XIRP2: variants seen among roughly 807,000 people sequenced by gnomAD.
The protein encoded by XIRP2 is xin actin-binding repeat-containing protein 2.
A neutral mutation model predicts 277.0 loss-of-function variants in XIRP2; 236 were observed. The observed-to-expected ratio is 0.85, with a 90% CI of 0.77 to 0.95. XIRP2 has a LOEUF of 0.95. XIRP2 is among the 40% of genes least tolerant of loss of function. XIRP2 has a pLI of 0.00. For missense variants in XIRP2, 4,640 were observed against 4,157.5 expected, an observed-to-expected ratio of 1.12 and a Z score of -3.19; for synonymous variants, 1,490 against 1,416.5, an observed-to-expected ratio of 1.05 and a Z score of -1.17.
At chr2:167,156,888 T>C (rs1692218743) in intron 3 of XIRP2, among the ~76,000 whole-genome samples, 1 of 152,142 alleles carries the variant, frequency 6.6e-6, no homozygotes, top group East Asian at 1.9e-4. Flanking sequence ...AAATAGACAC[T>C]TCTCAGTCAA....
At chr2:166,934,213 A>C (rs934293584) in intron 2 of XIRP2, among the ~76,000 whole-genome samples, 9 of 150,606 alleles carry the variant, frequency 6.0e-5, no homozygotes, top group Non-Finnish European at 1.0e-4. Flanking sequence ...AAAAAAAAAA[A>C]ACAAAACTAG....
intron 2 of XIRP2, among the ~76,000 whole-genome samples, chr2:167,013,903 CT>C (rs1687751044): frequency 6.6e-6 from 1 of 151,060 alleles, no homozygotes; most frequent in Non-Finnish European, 1.5e-5. Flanking sequence ...CTACAACACT[CT>C]GATATATCAG....
chr2:167,017,373 A>G (rs1687853452), intron 2 of XIRP2, among the ~76,000 whole-genome samples: 1 of 152,028 alleles, frequency 6.6e-6, no homozygotes, highest in African/African-American at 2.4e-5. Flanking sequence ...CAAGTAGATC[A>G]CATGGGTTCA....
intron 2 of XIRP2, among the ~76,000 whole-genome samples, chr2:167,125,386 A>C (rs1558988906): frequency 6.6e-6 from 1 of 152,190 alleles, no homozygotes; most frequent in African/African-American, 2.4e-5. Flanking sequence ...TGGAATTGAT[A>C]AATAAATTAC....
At chr2:167,016,184 T>C (rs1448359200) in intron 2 of XIRP2, among the ~76,000 whole-genome samples, 1 of 151,844 alleles carries the variant, frequency 6.6e-6, no homozygotes, top group Non-Finnish European at 1.5e-5. Flanking sequence ...CTTCCCCTCC[T>C]TTTTCTCCTT....
At position 167,250,038 on chromosome 2, in the gene XIRP2, A is replaced by C; in HGVS notation, c.8646A>C (p.Glu2882Asp). ...TQIQTAESKA[E>D]HKKLPQPYNS... ...TACAGACCGCTGAAAGTAAAGCTGAACATAAAAAATTGCCCCAGCCATATA... is the reference window on the plus strand; with the variant it reads ...TACAGACCGCTGAAAGTAAAGCTGACCATAAAAAATTGCCCCAGCCATATA... The change falls in exon 9 of 11, where the codon GAA becomes GAC. Residue 2882 changes from glutamate to aspartate, a missense_variant. Coordinates refer to ENST00000409195, the MANE Select transcript of XIRP2 (RefSeq NM_152381.6). The C allele has an allele frequency of 1.2e-6, 2 of 1,613,652 alleles. No individual in the cohort carries two copies. Among genetic ancestry groups the C allele is most frequent in the Non-Finnish European group, 1.7e-6 (2 of 1,179,712 alleles).
chr2:167,154,015 A>C (rs1295143458), intron 3 of XIRP2, among the ~76,000 whole-genome samples: 3 of 149,920 alleles, frequency 2.0e-5, no homozygotes, highest in Admixed American at 2.0e-4. Flanking sequence ...ACTAGTTTAC[A>C]GTCCCACCAA....
intron 2 of XIRP2, among the ~76,000 whole-genome samples, chr2:166,938,838 A>T (rs1685603752): frequency 6.6e-6 from 1 of 152,168 alleles, no homozygotes. Flanking sequence ...TCCCTTTACC[A>T]TTATGTAATG....
intron 2 of XIRP2, among the ~76,000 whole-genome samples, chr2:167,135,397 C>T (rs1430560200): frequency 6.6e-6 from 1 of 152,010 alleles, no homozygotes; most frequent in African/African-American, 2.4e-5. Context: ...ATTTCATAAT[C>T]TTTATGAATC....
intron 2 of XIRP2, among the ~76,000 whole-genome samples, chr2:167,115,968 T>C (rs1300685034): frequency 2.0e-5 from 3 of 152,226 alleles, no homozygotes; most frequent in Non-Finnish European, 4.4e-5. Context: ...TTTTGATCTC[T>C]AGATTGATTC....
At chr2:166,960,693 A>G (rs574226708) in intron 2 of XIRP2, among the ~76,000 whole-genome samples, 1 of 151,918 alleles carries the variant, frequency 6.6e-6, no homozygotes, top group Non-Finnish European at 1.5e-5. Context: ...AAGCCAGAAA[A>G]TTTGGATCAA....
At chr2:167,141,193 A>G (rs1025998385) in intron 3 of XIRP2, among the ~76,000 whole-genome samples, 4 of 152,212 alleles carry the variant, frequency 2.6e-5, no homozygotes, top group African/African-American at 9.6e-5. Flanking sequence ...AAAACTAAAT[A>G]TTATTTTTAA....
intron 3 of XIRP2, among the ~76,000 whole-genome samples, chr2:167,140,301 A>G (rs937225937): frequency 6.6e-6 from 1 of 152,208 alleles, no homozygotes; most frequent in Non-Finnish European, 1.5e-5. Context: ...TGTCTTGGAA[A>G]TATGAATCCC....
chr2:166,994,492 TAAAA>T (rs199932317), intron 2 of XIRP2, among the ~76,000 whole-genome samples: 1 of 109,198 alleles, frequency 9.2e-6, no homozygotes, highest in Non-Finnish European at 1.9e-5. Flanking sequence ...AAAAAAAAAT[TAAAA>T]AAAAAAAAAA....
chr2:167,018,771 G>T (rs559613361), intron 2 of XIRP2, among the ~76,000 whole-genome samples: 1 of 152,048 alleles, frequency 6.6e-6, no homozygotes, highest in South Asian at 2.1e-4. Context: ...TGACATTTAC[G>T]TAATTTAAAA....
chr2:166,974,855 G>A (rs1161609196), intron 2 of XIRP2, among the ~76,000 whole-genome samples: 1 of 151,984 alleles, frequency 6.6e-6, no homozygotes, highest in East Asian at 1.9e-4. Flanking sequence ...ATAGATAAAT[G>A]TAAAAAGCAA....
intron 2 of XIRP2, among the ~76,000 whole-genome samples, chr2:167,101,121 T>C (rs1270513748): frequency 1.3e-5 from 2 of 152,190 alleles, no homozygotes; most frequent in Admixed American, 6.5e-5. Context: ...TCTAAAAGTG[T>C]AATTCAAGTA....
intron 2 of XIRP2, among the ~76,000 whole-genome samples, chr2:167,009,142 C>T (rs893312617): frequency 6.6e-6 from 1 of 151,234 alleles, no homozygotes. Context: ...ATACATGTGC[C>T]CTGCTGGTGT....
At chr2:166,925,626 T>TATATATATAC (rs1316563535) in intron 2 of XIRP2, among the ~76,000 whole-genome samples, 2 of 136,016 alleles carry the variant, frequency 1.5e-5, no homozygotes, top group East Asian at 2.1e-4. Flanking sequence ...TATATATATA[T>TATATATATAC]ACATATAAGT....
Sources: gnomAD v4.1 joint callset for allele counts (sites outside exome capture counted in the v4.1 genomes callset) on GRCh38, gnomAD v4.1.1 for gene constraint, MANE v1.5 for transcripts, NCBI Gene and HGNC (gene_info 2026-07-23, HGNC 2026-07-21) for gene names.